The following NPY5R variants were observed in gnomAD, a reference collection of about 807,000 sequenced individuals.
NPY5R encodes neuropeptide Y receptor Y5.
Under a neutral mutation model 24.8 loss-of-function variants are expected in NPY5R, and 21 were observed. The observed-to-expected ratio is 0.85, with a 90% CI of 0.60 to 1.22. NPY5R has a LOEUF of 1.22. Ranked by LOEUF, NPY5R falls within the 50% of genes most tolerant of loss-of-function variation. The probability of loss-of-function intolerance (pLI) is 0.00; values close to 1 mark genes in which losing one functional copy is unlikely to be tolerated. For synonymous variants in NPY5R, 175 were observed against 183.0 expected, an observed-to-expected ratio of 0.96 and a Z score of 0.35; for missense variants, 481 against 521.3, an observed-to-expected ratio of 0.92 and a Z score of 0.75.
Position 163,350,418 on chromosome 4 carries a change from A to T in NPY5R, c.145A>T (p.Thr49Ser). ...ACAGTATTTTCTGATTGGGCTCTAT[A>T]CATTTGTAAGTCTTCTTGGCTTTAT... ...DLQYFLIGLY[T>S]FVSLLGFMGN... The change falls in exon 4 of 4, where the codon ACA (threonine) becomes TCA (serine). Residue 49 changes from threonine (T) to serine (S), a missense_variant. Transcript: ENST00000338566. The T allele has an allele frequency of 2.5e-6, 4 of 1,613,916 alleles. No homozygotes were observed. Among genetic ancestry groups the T allele is most frequent in the East Asian group, 2.2e-5 (1 of 44,862 alleles).
chr4:163,350,187 T>C (rs1735425498), intron 3 of NPY5R, 78 bp from the exon 4 acceptor site: 2 of 974,904 alleles, frequency 2.1e-6, no homozygotes, highest in Non-Finnish European at 3.0e-6. Flanking sequence ...ATATTTAGTT[T>C]CCCTCTGAAT....
downstream of NPY5R, among the ~76,000 whole-genome samples, chr4:163,352,296 C>T (rs1310103076): frequency 1.3e-5 from 2 of 152,142 alleles, no homozygotes; most frequent in African/African-American, 2.4e-5. Flanking sequence ...CATTATACAA[C>T]ATTAAACACT....
Position 163,351,817 on chromosome 4 carries a change from C to T in NPY5R, c.*206C>T, listed in dbSNP as rs2110885669. On this transcript the variant is annotated 3_prime_UTR_variant, in exon 4 of 4. Coordinates refer to ENST00000338566, the MANE Select transcript of NPY5R (RefSeq NM_006174.4). The stretch of plus-strand genomic sequence containing the variant: ...GGATTAATTTATTTAGTTGTGCAGT[C>T]AGTGTCAATCCAATCTGTAATTTCA... 2 of 384,274 alleles carry T rather than the reference C, an allele frequency of 5.2e-6. No homozygotes were observed. The highest frequency in any genetic ancestry group is 8.5e-5 in the East Asian group (2 of 23,620). The allele number at this position is 384,274 out of a possible 1,614,324, so 23.8% of individuals were successfully genotyped here.
intron 2 of NPY5R, among the ~76,000 whole-genome samples, chr4:163,346,552 C>A (rs930766856): frequency 6.6e-6 from 1 of 152,090 alleles, no homozygotes; most frequent in Non-Finnish European, 1.5e-5. Context: ...GGAGCCTACC[C>A]TTTAAAATTA....
chr4:163,351,353 AAAG>A lies in NPY5R; in HGVS notation c.1082_1084del (p.Lys361del). On this transcript the variant is annotated inframe_deletion, in exon 4 of 4. Coordinates refer to ENST00000338566, the MANE Select transcript of NPY5R (RefSeq NM_006174.4). ...TAAAACGTTCTGTTACAAGAATAAA[AAAG>A]AGATCTCGAAGTGTTTTCTACAGAC... The A allele has an allele frequency of 6.2e-7, 1 of 1,613,900 alleles. No homozygotes were observed. Among genetic ancestry groups the A allele is most frequent in the South Asian group, 1.1e-5 (1 of 91,086 alleles).
Position 163,350,930 on chromosome 4 carries a change from G to A in NPY5R, c.657G>A (p.Gln219=), listed in dbSNP as rs747341917. Residue 219 remains glutamine (Q), a synonymous_variant, in exon 4 of 4, where the codon CAG becomes CAA. Transcript: ENST00000338566. ...IAFTISLLLV[Q]YILPLVCLTV... is the part of the protein sequence containing the mutation. ...TTACTATCTCTTTATTGCTAGTTCA[G>A]TATATTCTGCCCTTAGTTTGTCTTA... 1.9e-6 allele frequency: 3 copies of A among 1,613,988 alleles called. No individual in the cohort carries two copies. The highest frequency in any genetic ancestry group is 1.7e-6 in the Non-Finnish European group (2 of 1,180,006).
At chr4:163,347,979 CTG>C (rs1248067669) in intron 3 of NPY5R, among the ~76,000 whole-genome samples, 1 of 152,166 alleles carries the variant, frequency 6.6e-6, no homozygotes. Context: ...AATGATGACT[CTG>C]TCATCCTGTT....
At position 163,346,553 on chromosome 4, in the gene NPY5R, T is replaced by C. The variant is rs576287757; in HGVS notation, c.-81+800T>C. Among the ~76,000 whole-genome samples, 87 of 152,304 alleles carry C rather than the reference T, an allele frequency of 5.7e-4. 1 individual carries two copies. The highest frequency in any genetic ancestry group is 1.9e-3 in the African/African-American group (80 of 41,582). On this transcript the variant is annotated intron_variant, in intron 2 of 3. Coordinates refer to ENST00000338566, the MANE Select transcript of NPY5R (RefSeq NM_006174.4). ...GTTCATTAATAGAAGGAGCCTACCC[T>C]TTAAAATTATATATAAATTATCTAC...
In NPY5R at chr4:163,350,950, G is replaced by C. The variant is rs768914000; in HGVS notation, c.677G>C (p.Cys226Ser). The part of the protein sequence containing the change: ...LLVQYILPLV[C>S]LTVSHTSVCR... Reference sequence around the variant, plus strand: ...GTTCAGTATATTCTGCCCTTAGTTTGTCTTACTGTAAGTCATACAAGTGTC... The same window carrying C: ...GTTCAGTATATTCTGCCCTTAGTTTCTCTTACTGTAAGTCATACAAGTGTC... Residue 226 changes from cysteine (C) to serine (S), a missense_variant, in exon 4 of 4, where the codon TGT becomes TCT. Coordinates refer to ENST00000338566, the MANE Select transcript of NPY5R (RefSeq NM_006174.4). 1.9e-6 allele frequency: 3 copies of C among 1,613,754 alleles called. No individual in the cohort carries two copies. In the Admixed American group the frequency reaches 5.0e-5, roughly 27 times the overall value.
chr4:163,350,956 C>T lies in NPY5R; in HGVS notation c.683C>T (p.Thr228Ile). 6.2e-7 allele frequency: 1 copy of T among 1,613,938 alleles called. No homozygotes were observed. Among genetic ancestry groups the T allele is most frequent in the East Asian group, 2.2e-5 (1 of 44,882 alleles). ...TATATTCTGCCCTTAGTTTGTCTTA[C>T]TGTAAGTCATACAAGTGTCTGCAGA... ...VQYILPLVCL[T>I]VSHTSVCRSI... Residue 228 changes from threonine to isoleucine, a missense_variant, in exon 4 of 4, where the codon ACT becomes ATT. Transcript: ENST00000338566.
intron 2 of NPY5R, 126 bp from the exon 3 acceptor site, chr4:163,347,326 T>A (rs114641854): frequency 4.1e-4 from 63 of 152,354 alleles, no homozygotes; most frequent in African/African-American, 1.5e-3. Context: ...CTGCATCTTC[T>A]CTTTCTTCAA....
chr4:163,349,867 A>T (rs968528388), intron 3 of NPY5R, among the ~76,000 whole-genome samples: 1 of 152,202 alleles, frequency 6.6e-6, no homozygotes, highest in Non-Finnish European at 1.5e-5. Context: ...CTGTAATCCC[A>T]GCACTTTGGG....
chr4:163,351,999 C>A (rs958343311), downstream of NPY5R: 6 of 164,578 alleles, frequency 3.6e-5, no homozygotes, highest in African/African-American at 1.2e-4. Flanking sequence ...TAATTTCAAA[C>A]TTGAAGAATA....
At chr4:163,346,506 G>C (rs1735259672) in intron 2 of NPY5R, among the ~76,000 whole-genome samples, 1 of 152,078 alleles carries the variant, frequency 6.6e-6, no homozygotes, top group African/African-American at 2.4e-5. Flanking sequence ...ATAAAAGAAG[G>C]AACAACTAAT....
At chr4:163,345,053 A>G (rs921781334) in intron 1 of NPY5R, 2 of 152,230 alleles carry the variant, frequency 1.3e-5, no homozygotes, top group African/African-American at 4.8e-5. Flanking sequence ...AATAGTTGAT[A>G]TTGTATCATT....
chr4:163,347,539 A>C lies in NPY5R; in HGVS notation c.-10+17A>C, dbSNP rs1239659930. On this transcript the variant is annotated intron_variant, in intron 3 of 3. Transcript: ENST00000338566. ...TTCAAGAAAGTAAGTCAAGAGAAGA[A>C]CAACTAAGCAGGATTGCAGTTACAA... The C allele has an allele frequency of 1.3e-5, 2 of 152,238 alleles. No individual in the cohort carries two copies. The highest frequency in any genetic ancestry group is 6.5e-5 in the Admixed American group (1 of 15,284). 9.4% of individuals were successfully genotyped at this position (152,238 alleles called of 1,614,324 possible).
rs1243144668 is a variant in NPY5R, at chr4:163,350,299, A to T, written c.26A>T (p.Tyr9Phe). The T allele has an allele frequency of 1.3e-6, 2 of 1,584,830 alleles. No individual in the cohort carries two copies. Among genetic ancestry groups the T allele is most frequent in the Non-Finnish European group, 8.6e-7 (1 of 1,163,482 alleles). The change falls in exon 4 of 4, where the codon TAT (tyrosine) becomes TTT (phenylalanine). Residue 9 changes from tyrosine to phenylalanine, a missense_variant. Transcript: ENST00000338566. ...ATGGATTTAGAGCTCGACGAGTATT[A>T]TAACAAGACACTTGCCACAGAGAAT... MDLELDEY[Y>F]NKTLATENNT...
rs1735501751 is a variant in NPY5R at position 163,351,591 on chromosome 4, A to G, written c.1318A>G (p.Ile440Val). 4 of 1,606,168 alleles carry G rather than the reference A, an allele frequency of 2.5e-6. 1 individual carries two copies. In the South Asian group the frequency reaches 3.3e-5, roughly 13 times the overall value. ...GATTAAAGCTGATTTAGTGTCCCTTATACACTGTCTTCATATGTAATAATT... is the reference window on the plus strand; with the variant it reads ...GATTAAAGCTGATTTAGTGTCCCTTGTACACTGTCTTCATATGTAATAATT... Reference protein sequence around the residue: ...NGIKADLVSLIHCLHM With the variant: ...NGIKADLVSLVHCLHM Residue 440 changes from isoleucine (I) to valine (V), a missense_variant, in exon 4 of 4, where the codon ATA becomes GTA. Ile to Val is a conservative substitution (Grantham distance 29). Transcript: ENST00000338566.
chr4:163,349,457 T>G (rs538679971), intron 3 of NPY5R: 1 of 232,890 alleles, frequency 4.3e-6, no homozygotes, highest in African/African-American at 2.3e-5. Flanking sequence ...GTAAACAGAA[T>G]GTAACAGGAG....
Sources: gnomAD v4.1 joint callset for allele counts (sites outside exome capture counted in the v4.1 genomes callset) on GRCh38, gnomAD v4.1.1 for gene constraint, MANE v1.5 for transcripts, NCBI Gene and HGNC (gene_info 2026-07-23, HGNC 2026-07-21) for gene names.